The following ST6GALNAC3 variants were observed in gnomAD, a reference collection of about 807,000 sequenced individuals.
ST6GALNAC3 encodes the protein ST6 N-acetylgalactosaminide alpha-2,6-sialyltransferase 3, also known as alpha-N-acetylgalactosaminide alpha-2,6-sialyltransferase 3.
ST6GALNAC3 carries 25 observed loss-of-function variants against 32.7 expected under a neutral mutation model. The observed-to-expected ratio is 0.76, with a 90% CI of 0.56 to 1.07. The LOEUF (loss-of-function observed/expected upper bound fraction) is 1.07. Among genes scored for constraint, ST6GALNAC3 ranks in the 50% least tolerant of loss-of-function variants. The pLI is 0.00. For missense variants in ST6GALNAC3, 355 were observed against 382.4 expected (o/e 0.93, Z 0.60); for synonymous variants, 129 against 133.1 (o/e 0.97, Z 0.21).
At chr1:76,341,624 T>C (rs1052185625) in intron 2 of ST6GALNAC3, among the ~76,000 whole-genome samples, 1 of 125,566 alleles carries the variant, frequency 8.0e-6, no homozygotes, top group South Asian at 2.7e-4. Context: ...TTTCTTTCTT[T>C]CTTTCTTTCT....
chr1:76,314,091 A>T, intron 2 of ST6GALNAC3, 92 bp downstream of exon 2: 1 of 1,263,388 alleles, frequency 7.9e-7, no homozygotes, highest in Non-Finnish European at 1.1e-6. Flanking sequence ...CACTGAACTT[A>T]CTCTGTCTGC....
At chr1:76,411,078 G>A (rs1377810324) in intron 2 of ST6GALNAC3, among the ~76,000 whole-genome samples, 7 of 152,100 alleles carry the variant, frequency 4.6e-5, no homozygotes, top group African/African-American at 9.7e-5. Flanking sequence ...AAAGCACATT[G>A]CTTCTTTATT....
At chr1:76,337,257 A>G (rs149566451) in intron 2 of ST6GALNAC3, among the ~76,000 whole-genome samples, 1 of 152,180 alleles carries the variant, frequency 6.6e-6, no homozygotes, top group East Asian at 1.9e-4. Context: ...TGTATCAGCA[A>G]TTGGATGCTT....
intron 2 of ST6GALNAC3, among the ~76,000 whole-genome samples, chr1:76,396,873 T>C (rs1477281346): frequency 6.6e-6 from 1 of 152,188 alleles, no homozygotes; most frequent in Non-Finnish European, 1.5e-5. Flanking sequence ...AGTCTGAGTA[T>C]GTTCTTTAGT....
At chr1:76,298,930 G>T (rs1660568675) in intron 1 of ST6GALNAC3, among the ~76,000 whole-genome samples, 1 of 151,996 alleles carries the variant, frequency 6.6e-6, no homozygotes, top group South Asian at 2.1e-4. Context: ...CTGAAAGGCA[G>T]ATTTTTTGCA....
chr1:76,277,593 T>C (rs1185148023), intron 1 of ST6GALNAC3, among the ~76,000 whole-genome samples: 3 of 54,078 alleles, frequency 5.5e-5, no homozygotes, highest in African/African-American at 5.0e-4. Context: ...TTTATGTGTA[T>C]ATATATATAT....
chr1:76,445,161 T>C (rs1031706584), intron 3 of ST6GALNAC3, among the ~76,000 whole-genome samples: 3 of 152,146 alleles, frequency 2.0e-5, no homozygotes, highest in Admixed American at 2.0e-4. Flanking sequence ...CGATGCAACT[T>C]GGGAGTGTCT....
intron 3 of ST6GALNAC3, among the ~76,000 whole-genome samples, chr1:76,541,920 G>A (rs1032031246): frequency 2.0e-5 from 3 of 152,118 alleles, no homozygotes; most frequent in African/African-American, 7.2e-5. Flanking sequence ...TACAGATTAG[G>A]AGTACTATTC....
intron 1 of ST6GALNAC3, among the ~76,000 whole-genome samples, chr1:76,212,868 C>G (rs1380119660): frequency 6.6e-5 from 10 of 151,958 alleles, no homozygotes; most frequent in Admixed American, 6.6e-4. Flanking sequence ...GTGGGCTAGA[C>G]AGTATTTTTG....
chr1:76,083,871 G>A (rs12127822), intron 1 of ST6GALNAC3, among the ~76,000 whole-genome samples: 26,358 of 152,044 alleles, frequency 0.17, 2,819 homozygotes, highest in South Asian at 0.26. Flanking sequence ...TATTTGATTT[G>A]TATTTTGATT....
chr1:76,603,275 G>C (rs572708937), intron 3 of ST6GALNAC3, among the ~76,000 whole-genome samples: 1 of 152,128 alleles, frequency 6.6e-6, no homozygotes, highest in Non-Finnish European at 1.5e-5. Flanking sequence ...TGTTTACAGA[G>C]GTAATGTTTG....
chr1:76,375,192 G>T (rs1366697007), intron 2 of ST6GALNAC3, among the ~76,000 whole-genome samples: 3 of 152,138 alleles, frequency 2.0e-5, no homozygotes, highest in African/African-American at 7.2e-5. Flanking sequence ...CATGCAAGGC[G>T]TATTAGAATA....
At chr1:76,613,544 T>C (rs893437239) in intron 3 of ST6GALNAC3, among the ~76,000 whole-genome samples, 2 of 152,248 alleles carry the variant, frequency 1.3e-5, no homozygotes, top group East Asian at 3.8e-4. Context: ...TTTGTATCCC[T>C]GCCCAAATCT....
intron 1 of ST6GALNAC3, among the ~76,000 whole-genome samples, chr1:76,088,195 T>G (rs2100740373): frequency 6.6e-6 from 1 of 152,320 alleles, no homozygotes; most frequent in South Asian, 2.1e-4. Context: ...TCTGTGGCAG[T>G]GGTAAGATTT....
intron 3 of ST6GALNAC3, among the ~76,000 whole-genome samples, chr1:76,445,133 A>G (rs1455490700): frequency 1.3e-5 from 2 of 152,196 alleles, no homozygotes; most frequent in African/African-American, 2.4e-5. Flanking sequence ...AACTTCAGAG[A>G]CTACTGAGAA....
chr1:76,428,810 A>T (rs1400828049), intron 3 of ST6GALNAC3, among the ~76,000 whole-genome samples: 1 of 152,160 alleles, frequency 6.6e-6, no homozygotes, highest in East Asian at 1.9e-4. Context: ...TGACAATTAG[A>T]TCTAATTAAG....
At chr1:76,432,268 G>T (rs1220416744) in intron 3 of ST6GALNAC3, among the ~76,000 whole-genome samples, 1 of 151,942 alleles carries the variant, frequency 6.6e-6, no homozygotes, top group East Asian at 1.9e-4. Context: ...TTTATCTACT[G>T]AAGGACATCT....
At chr1:76,371,910 C>G (rs1178540049) in intron 2 of ST6GALNAC3, among the ~76,000 whole-genome samples, 1 of 152,164 alleles carries the variant, frequency 6.6e-6, no homozygotes, top group Non-Finnish European at 1.5e-5. Flanking sequence ...AAGCATCTCA[C>G]TTCCCCTACT....
chr1:76,112,582 G>A (rs1318151457), intron 1 of ST6GALNAC3, among the ~76,000 whole-genome samples: 1 of 151,728 alleles, frequency 6.6e-6, no homozygotes, highest in Non-Finnish European at 1.5e-5. Context: ...CTTCCCAGAC[G>A]GTGTGGCTGC....
Sources: gnomAD v4.1 joint callset for allele counts (sites outside exome capture counted in the v4.1 genomes callset) on GRCh38, gnomAD v4.1.1 for gene constraint, MANE v1.5 for transcripts, NCBI Gene and HGNC (gene_info 2026-07-23, HGNC 2026-07-21) for gene names.